AHI1: variants seen among roughly 807,000 people sequenced by gnomAD.
AHI1 encodes Abelson helper integration site 1, also known as jouberin.
A neutral mutation model predicts 149.3 loss-of-function variants in AHI1; 123 were observed. The ratio of observed to expected loss-of-function variants is 0.82; its 90% confidence interval spans 0.71 to 0.96. The LOEUF is 0.96. Among genes scored for constraint, AHI1 ranks in the 40% least tolerant of loss-of-function variants. AHI1 has a pLI of 0.00. For synonymous variants in AHI1, 475 were observed against 459.8 expected (o/e 1.03, Z -0.42); for missense variants, 1,439 against 1,422.7 (o/e 1.01, Z -0.18).
chr6:135,445,033 A>T (rs1284988810), intron 13 of AHI1, among the ~76,000 whole-genome samples: 2 of 152,258 alleles, frequency 1.3e-5, no homozygotes, highest in Admixed American at 1.3e-4. Context: ...ACAACAATGT[A>T]ACTGCTTTCT....
At chr6:135,475,737 T>C (rs191620350) in intron 5 of AHI1, among the ~76,000 whole-genome samples, 16 of 152,306 alleles carry the variant, frequency 1.1e-4, no homozygotes, top group Admixed American at 1.0e-3. Flanking sequence ...CCTGAAAGCT[T>C]GCACCTGGTT....
intron 24 of AHI1, among the ~76,000 whole-genome samples, chr6:135,338,948 C>T (rs1410307314): frequency 1.3e-5 from 2 of 148,630 alleles, no homozygotes; most frequent in African/African-American, 5.0e-5. Flanking sequence ...TTTTTTGAGA[C>T]CCAGAGTCTC....
intron 24 of AHI1, among the ~76,000 whole-genome samples, chr6:135,326,356 C>T (rs1392352325): frequency 6.6e-6 from 1 of 152,114 alleles, no homozygotes; most frequent in Non-Finnish European, 1.5e-5. Flanking sequence ...GTAGGAGAAA[C>T]CGACTGTGCT....
chr6:135,364,042 C>A (rs1387177082), intron 23 of AHI1, among the ~76,000 whole-genome samples: 2 of 150,274 alleles, frequency 1.3e-5, no homozygotes, highest in Non-Finnish European at 3.0e-5. Context: ...CCTCACCTCC[C>A]GGACAGGGCG....
At position 135,323,263 on chromosome 6, in the gene AHI1, T is replaced by C. The variant is rs992650520; in HGVS notation, c.3227A>G (p.Asp1076Gly). 1.2e-6 allele frequency: 2 copies of C among 1,613,704 alleles called. No individual in the cohort carries two copies. Among genetic ancestry groups the C allele is most frequent in the African/African-American group, 2.7e-5 (2 of 74,930 alleles). ...RSDELTIHRGDIIRVFFKDNE... is the reference protein window; with the variant it reads ...RSDELTIHRGGIIRVFFKDNE... ...ATCTTTGAAAAACACTCGGATAATG[T>C]CTCCGCGATGGATGGTTAGTTCATC... The change falls in exon 25 of 29, where the codon GAC becomes GGC. Residue 1076 changes from aspartate (D) to glycine (G), a missense_variant. Coordinates refer to ENST00000265602, the MANE Select transcript of AHI1 (RefSeq NM_001134831.2).
chr6:135,299,773 T>A (rs1363725318), intron 27 of AHI1, among the ~76,000 whole-genome samples: 3 of 152,158 alleles, frequency 2.0e-5, no homozygotes, highest in Non-Finnish European at 4.4e-5. Context: ...ATTACCCAAA[T>A]ACATTAAGCA....
intron 23 of AHI1, among the ~76,000 whole-genome samples, chr6:135,385,253 A>G (rs1777420874): frequency 6.6e-6 from 1 of 152,204 alleles, no homozygotes; most frequent in Non-Finnish European, 1.5e-5. Flanking sequence ...CATATGAGTT[A>G]AAGTCATGGG....
intron 26 of AHI1, among the ~76,000 whole-genome samples, chr6:135,304,627 C>T (rs1021064394): frequency 2.0e-5 from 3 of 152,128 alleles, no homozygotes; most frequent in South Asian, 2.1e-4. Context: ...AAAAATTAGC[C>T]GGGTGTGGTG....
At chr6:135,488,776 T>G (rs867428645) in intron 5 of AHI1, among the ~76,000 whole-genome samples, 4 of 152,152 alleles carry the variant, frequency 2.6e-5, no homozygotes, top group East Asian at 3.8e-4. Context: ...GTTCTGTACA[T>G]AGGACTCCCT....
chr6:135,434,389 CAAT>C (rs1785088106), intron 15 of AHI1, among the ~76,000 whole-genome samples: 1 of 151,646 alleles, frequency 6.6e-6, no homozygotes, highest in Admixed American at 6.6e-5. Context: ...AGTGTATTCT[CAAT>C]AAGCATATTT....
intron 13 of AHI1, among the ~76,000 whole-genome samples, chr6:135,444,569 C>T (rs566624378): frequency 2.0e-5 from 3 of 152,352 alleles, no homozygotes; most frequent in Non-Finnish European, 4.4e-5. Flanking sequence ...TCAAGCTCCA[C>T]TGTTGAATGA....
chr6:135,338,324 GAAAA>G (rs1789739101), intron 24 of AHI1, among the ~76,000 whole-genome samples: 1 of 145,188 alleles, frequency 6.9e-6, no homozygotes, highest in Non-Finnish European at 1.5e-5. Context: ...AAAAAAGAAA[GAAAA>G]AGAAAAGAGA....
intron 5 of AHI1, among the ~76,000 whole-genome samples, chr6:135,485,198 C>G (rs1434776955): frequency 2.6e-5 from 4 of 151,836 alleles, no homozygotes; most frequent in Non-Finnish European, 5.9e-5. Flanking sequence ...CTCAGCCACT[C>G]AAGTAGCTGG....
chr6:135,300,358 C>G (rs1224244315), intron 27 of AHI1, 142 bp downstream of exon 27: 2 of 681,076 alleles, frequency 2.9e-6, no homozygotes, highest in Non-Finnish European at 4.1e-6. Flanking sequence ...AAATCGTAAA[C>G]AAGCTAAACT....
intron 24 of AHI1, among the ~76,000 whole-genome samples, chr6:135,334,407 C>G (rs570644540): frequency 1.3e-5 from 2 of 152,264 alleles, no homozygotes; most frequent in East Asian, 3.9e-4. Flanking sequence ...CCTCATCAGA[C>G]ATCAAATCTG....
In AHI1 at chr6:135,466,221, A is replaced by C. The variant is rs746705375; in HGVS notation, c.342T>G (p.Asp114Glu). 4 of 1,613,964 alleles carry C rather than the reference A, an allele frequency of 2.5e-6. No homozygotes were observed. In the East Asian group the frequency reaches 8.9e-5, roughly 36 times the overall value. Reference protein sequence around the residue: ...TQLATENPNGDASVEEDKQGK... With the variant: ...TQLATENPNGEASVEEDKQGK... ...CTTGTTTGTCTTCCTCTACACTAGC[A>C]TCACCATTAGGATTTTCAGTTGCTA... Residue 114 changes from aspartate to glutamate, a missense_variant, in exon 7 of 29, where the codon GAT (aspartate) becomes GAG (glutamate). Transcript: ENST00000265602.
intron 10 of AHI1, 80 bp from the exon 11 acceptor site, chr6:135,453,516 C>A: frequency 9.7e-7 from 1 of 1,027,700 alleles, no homozygotes; most frequent in Non-Finnish European, 1.4e-6. Context: ...TTTAAAAAAT[C>A]ATTTGTATAG....
chr6:135,430,500 G>C (rs866211711), intron 17 of AHI1, among the ~76,000 whole-genome samples: 1 of 151,822 alleles, frequency 6.6e-6, no homozygotes, highest in Middle Eastern at 3.4e-3. Context: ...TTTTCACTTA[G>C]GGTGTCTTTT....
intron 20 of AHI1, among the ~76,000 whole-genome samples, chr6:135,417,895 T>C (rs958874295): frequency 6.6e-6 from 1 of 152,094 alleles, no homozygotes; most frequent in Non-Finnish European, 1.5e-5. Flanking sequence ...TATATAGATT[T>C]CATTGTAAAA....
Sources: gnomAD v4.1 joint callset for allele counts (sites outside exome capture counted in the v4.1 genomes callset) on GRCh38, gnomAD v4.1.1 for gene constraint, MANE v1.5 for transcripts, NCBI Gene and HGNC (gene_info 2026-07-23, HGNC 2026-07-21) for gene names.